The following CACNA2D3 variants were observed in gnomAD, a reference collection of about 807,000 sequenced individuals.
The protein encoded by CACNA2D3 is voltage-dependent calcium channel subunit alpha-2/delta-3.
In CACNA2D3, 60 loss-of-function variants were observed where a neutral mutation model predicts 160.6. The ratio of observed to expected loss-of-function variants is 0.37; its 90% CI spans 0.30 to 0.46. The LOEUF (loss-of-function observed/expected upper bound fraction) is 0.46. Among genes scored for constraint, CACNA2D3 ranks in the 20% least tolerant of loss-of-function variants. The probability of loss-of-function intolerance (pLI) is 1.00; values close to 1 mark genes in which losing one functional copy is unlikely to be tolerated. For synonymous variants in CACNA2D3, 558 were observed against 492.9 expected, an observed-to-expected ratio of 1.13 and a Z score of -1.75; for missense variants, 1,205 against 1,365.0, an observed-to-expected ratio of 0.88 and a Z score of 1.85.
intron 27 of CACNA2D3, among the ~76,000 whole-genome samples, chr3:54,914,897 T>C (rs962717277): frequency 3.9e-5 from 6 of 152,242 alleles, no homozygotes; most frequent in South Asian, 2.1e-4. Context: ...TAGAAAGTTA[T>C]AGGTTTCTAA....
At position 54,823,194 on chromosome 3, in the gene CACNA2D3, A is replaced by T. The variant is rs73063743; in HGVS notation, c.1398+6324A>T. On this transcript the variant is annotated intron_variant, in intron 14 of 37. Coordinates refer to ENST00000474759, the MANE Select transcript of CACNA2D3 (RefSeq NM_018398.3). The stretch of plus-strand genomic sequence containing the variant: ...CTTATTGAAAGGAAATAATCTCTTC[A>T]TATCAAACAACCTCATAGTGTGTGT... 4.5e-3 allele frequency among the ~76,000 whole-genome samples: 686 copies of T among 152,108 alleles called. 4 individuals are homozygous for T. Among genetic ancestry groups the T allele is most frequent in the South Asian group, 0.013 (62 of 4,818 alleles).
At chr3:54,497,277 C>A (rs1701217182) in intron 4 of CACNA2D3, among the ~76,000 whole-genome samples, 1 of 17,138 alleles carries the variant, frequency 5.8e-5, no homozygotes, top group African/African-American at 1.2e-4. Context: ...TCTTTAAGTT[C>A]AAACAAATAT....
At chr3:55,051,762 G>A (rs1015670332) in intron 35 of CACNA2D3, among the ~76,000 whole-genome samples, 1 of 152,122 alleles carries the variant, frequency 6.6e-6, no homozygotes. Context: ...GCGAGACTCC[G>A]TGGGCGTAGG....
At chr3:54,294,899 G>A (rs111726070) in intron 2 of CACNA2D3, among the ~76,000 whole-genome samples, 1 of 152,234 alleles carries the variant, frequency 6.6e-6, no homozygotes, top group African/African-American at 2.4e-5. Context: ...TGTAGGGAGA[G>A]ACTGTATGTG....
intron 2 of CACNA2D3, among the ~76,000 whole-genome samples, chr3:54,260,270 GTCTCTGTCTTAATCTATTT>G (rs1333493769): frequency 6.6e-6 from 1 of 152,104 alleles, no homozygotes; most frequent in African/African-American, 2.4e-5. Context: ...CCAAGGATGT[GTCTCTGTCTTAATCTATTT>G]TCTGTTGCTA....
intron 35 of CACNA2D3, among the ~76,000 whole-genome samples, chr3:55,051,195 T>G (rs1156238330): frequency 6.6e-6 from 1 of 152,220 alleles, no homozygotes; most frequent in African/African-American, 2.4e-5. Flanking sequence ...TTTTAGAATT[T>G]CCAGTTTTTC....
At chr3:55,066,031 A>ATT (rs1704628078) in intron 35 of CACNA2D3, among the ~76,000 whole-genome samples, 2 of 152,244 alleles carry the variant, frequency 1.3e-5, no homozygotes, top group African/African-American at 2.4e-5. Flanking sequence ...ATACAAAATA[A>ATT]TTAAGCTTTC....
intron 2 of CACNA2D3, among the ~76,000 whole-genome samples, chr3:54,307,930 A>G (rs1159771168): frequency 6.6e-6 from 1 of 152,228 alleles, no homozygotes; most frequent in Non-Finnish European, 1.5e-5. Context: ...GGGATTAAGG[A>G]AGTCAGACAA....
chr3:54,473,146 C>T (rs562866251), intron 4 of CACNA2D3, among the ~76,000 whole-genome samples: 2 of 152,176 alleles, frequency 1.3e-5, no homozygotes, highest in African/African-American at 2.4e-5. Flanking sequence ...TACAAGACTA[C>T]AGTAACCAAA....
At chr3:54,146,627 G>C (rs1013692857) in intron 2 of CACNA2D3, among the ~76,000 whole-genome samples, 1 of 152,192 alleles carries the variant, frequency 6.6e-6, no homozygotes, top group Admixed American at 6.5e-5. Flanking sequence ...TCTTTGATGA[G>C]TGAGCTCCAC....
At chr3:54,697,138 C>T (rs1700680372) in intron 11 of CACNA2D3, among the ~76,000 whole-genome samples, 1 of 152,114 alleles carries the variant, frequency 6.6e-6, no homozygotes, top group Admixed American at 6.6e-5. Context: ...ATTAGCCAGG[C>T]ATGGTGGTGC....
At chr3:54,505,482 C>A (rs1424707476) in intron 5 of CACNA2D3, among the ~76,000 whole-genome samples, 1 of 152,148 alleles carries the variant, frequency 6.6e-6, no homozygotes, top group Non-Finnish European at 1.5e-5. Flanking sequence ...TTACTTTGGG[C>A]TCTTCCTTAG....
intron 13 of CACNA2D3, among the ~76,000 whole-genome samples, chr3:54,764,841 G>T (rs1702187986): frequency 1.3e-5 from 2 of 152,204 alleles, no homozygotes. Context: ...TGGTGGTTCA[G>T]TAGGCACTGG....
intron 23 of CACNA2D3, among the ~76,000 whole-genome samples, chr3:54,887,626 G>C (rs1699956204): frequency 6.6e-6 from 1 of 152,064 alleles, no homozygotes; most frequent in African/African-American, 2.4e-5. Flanking sequence ...AGTGTTCAAG[G>C]AGTACTGGCT....
rs757018890 is a variant in CACNA2D3 at position 54,149,877 on chromosome 3, G to GTGTCTCTCTCTCTCTCTCTCTC, written c.204+26284_204+26285insGTCTCTCTCTCTCTCTCTCTCT. ...TAGTAACAGAGAGGGCTGTCCTGAA[G>GTGTCTCTCTCTCTCTCTCTCTC]TATCTGTCTCTCTCTCTCTCTCTCT... On this transcript the variant is annotated intron_variant, in intron 2 of 37. Transcript: ENST00000474759. Among the ~76,000 whole-genome samples the GTGTCTCTCTCTCTCTCTCTCTC allele has an allele frequency of 5.7e-5, 6 of 105,884 alleles. 1 individual carries two copies. Among genetic ancestry groups the GTGTCTCTCTCTCTCTCTCTCTC allele is most frequent in the Admixed American group, 2.0e-4 (2 of 9,768 alleles). The allele number at this position is 105,884 out of a possible 152,430, so 69.5% of individuals were successfully genotyped here.
At chr3:54,628,838 C>T (rs919193193) in intron 10 of CACNA2D3, among the ~76,000 whole-genome samples, 1 of 151,786 alleles carries the variant, frequency 6.6e-6, no homozygotes, top group African/African-American at 2.4e-5. Flanking sequence ...ACATCAGCGC[C>T]GAGTCACTGT....
At chr3:54,539,972 A>G (rs1701946676) in intron 5 of CACNA2D3, among the ~76,000 whole-genome samples, 2 of 152,130 alleles carry the variant, frequency 1.3e-5, no homozygotes, top group East Asian at 1.9e-4. Flanking sequence ...GTGAGCCTGG[A>G]AAGTCTGTGG....
intron 12 of CACNA2D3, among the ~76,000 whole-genome samples, chr3:54,756,035 C>G (rs1701963401): frequency 6.6e-6 from 1 of 152,162 alleles, no homozygotes; most frequent in African/African-American, 2.4e-5. Context: ...CTTTTGAAGA[C>G]AGTTTAGTCA....
chr3:54,362,991 T>C (rs1225581735), intron 3 of CACNA2D3, among the ~76,000 whole-genome samples: 1 of 151,990 alleles, frequency 6.6e-6, no homozygotes, highest in Non-Finnish European at 1.5e-5. Context: ...GGTCAGGAGA[T>C]TGAGACCATC....
Sources: allele counts gnomAD v4.1 joint callset (sites outside exome capture counted in the v4.1 genomes callset), GRCh38; gene constraint gnomAD v4.1.1; transcripts MANE v1.5; gene names NCBI Gene and HGNC (gene_info 2026-07-23, HGNC 2026-07-21).